CSMD1: variants seen among roughly 807,000 people sequenced by gnomAD.
The protein encoded by CSMD1 is CUB and Sushi multiple domains 1, also known as CUB and sushi domain-containing protein 1.
Under a neutral mutation model 417.5 loss-of-function variants are expected in CSMD1, and 213 were observed. The ratio of observed to expected loss-of-function variants is 0.51; its 90% CI spans 0.46 to 0.57. The LOEUF is 0.57. Ranked by LOEUF, CSMD1 falls within the 20% of genes least tolerant of loss-of-function variation. CSMD1 has a pLI of 0.00. For synonymous variants in CSMD1, 2,862 were observed against 1,736.8 expected (o/e 1.65, Z -16.11); for missense variants, 6,923 against 4,529.7 (o/e 1.53, Z -15.17).
intron 5 of CSMD1, among the ~76,000 whole-genome samples, chr8:3,868,228 GA>G (rs1805240213): frequency 8.5e-6 from 1 of 118,328 alleles, no homozygotes; most frequent in Non-Finnish European, 1.6e-5. Context: ...CCAGAACGAG[GA>G]TGGGGGGGCA....
intron 3 of CSMD1, among the ~76,000 whole-genome samples, chr8:4,312,038 A>G (rs923268643): frequency 2.0e-5 from 3 of 152,190 alleles, no homozygotes; most frequent in African/African-American, 7.2e-5. Context: ...GTGTGTTGAA[A>G]TCATTGTCAT....
intron 5 of CSMD1, among the ~76,000 whole-genome samples, chr8:3,932,018 T>C (rs1228996185): frequency 6.9e-6 from 1 of 145,788 alleles, no homozygotes. Flanking sequence ...GAGAAAACAA[T>C]AATTTTGTGA....
chr8:3,579,905 A>C (rs1800310029), intron 9 of CSMD1, among the ~76,000 whole-genome samples: 1 of 152,108 alleles, frequency 6.6e-6, no homozygotes, highest in Non-Finnish European at 1.5e-5. Context: ...GGAGTTTGAG[A>C]CCAGCATGGC....
intron 2 of CSMD1, among the ~76,000 whole-genome samples, chr8:4,614,286 G>C (rs955641549): frequency 2.0e-5 from 3 of 152,140 alleles, no homozygotes; most frequent in Admixed American, 6.5e-5. Flanking sequence ...CACCTAAACG[G>C]ACTGGACACA....
At chr8:4,475,454 C>A (rs1800748550) in intron 2 of CSMD1, among the ~76,000 whole-genome samples, 1 of 152,080 alleles carries the variant, frequency 6.6e-6, no homozygotes, top group African/African-American at 2.4e-5. Flanking sequence ...ATATGGAAGG[C>A]AACCCCATTT....
intron 30 of CSMD1, among the ~76,000 whole-genome samples, chr8:3,207,734 G>T (rs528526813): frequency 5.3e-5 from 8 of 152,216 alleles, no homozygotes; most frequent in Admixed American, 3.3e-4. Context: ...CATCAAAGCT[G>T]ACAGAAATTT....
chr8:3,690,897 A>C (rs904770585), intron 7 of CSMD1, among the ~76,000 whole-genome samples: 2 of 152,244 alleles, frequency 1.3e-5, no homozygotes, highest in East Asian at 1.9e-4. Flanking sequence ...TAAATAAATT[A>C]AATAACAACA....
intron 2 of CSMD1, among the ~76,000 whole-genome samples, chr8:4,450,583 A>G (rs1394885692): frequency 6.6e-6 from 1 of 152,106 alleles, no homozygotes; most frequent in Non-Finnish European, 1.5e-5. Flanking sequence ...TGCAGCCCAG[A>G]TCGCACCACT....
At chr8:4,841,915 A>ACAAACAAACAAAC (rs1227355843) in intron 1 of CSMD1, among the ~76,000 whole-genome samples, 27 of 102,222 alleles carry the variant, frequency 2.6e-4, no homozygotes, top group African/African-American at 1.1e-3. Context: ...CCGTCTCAAA[A>ACAAACAAACAAAC]AAAAAAAAAA....
intron 48 of CSMD1, among the ~76,000 whole-genome samples, chr8:3,090,266 G>C (rs1055663642): frequency 1.5e-4 from 19 of 130,096 alleles, no homozygotes; most frequent in African/African-American, 4.9e-4. Flanking sequence ...GCAGTGAGCC[G>C]AGATCGCACC....
intron 6 of CSMD1, among the ~76,000 whole-genome samples, chr8:3,719,600 G>T (rs1439133560): frequency 6.6e-6 from 1 of 152,128 alleles, no homozygotes; most frequent in Non-Finnish European, 1.5e-5. Context: ...GTGCTGTGAT[G>T]AACGAAAAAG....
intron 3 of CSMD1, among the ~76,000 whole-genome samples, chr8:4,377,958 G>A (rs1456946970): frequency 6.6e-6 from 1 of 152,178 alleles, no homozygotes; most frequent in Non-Finnish European, 1.5e-5. Context: ...ATTGATTATA[G>A]CAAATGATAG....
intron 3 of CSMD1, among the ~76,000 whole-genome samples, chr8:4,340,738 T>A (rs549735641): frequency 6.6e-6 from 1 of 152,064 alleles, no homozygotes; most frequent in African/African-American, 2.4e-5. Flanking sequence ...AACTGAAAAT[T>A]TATTTTCAGC....
At chr8:2,949,865 G>C (rs1802505666) in intron 67 of CSMD1, among the ~76,000 whole-genome samples, 2 of 152,050 alleles carry the variant, frequency 1.3e-5, no homozygotes, top group Admixed American at 6.6e-5. Context: ...TATTTATCTG[G>C]GAATGATTTC....
chr8:4,313,935 A>T (rs1585213166), intron 3 of CSMD1, among the ~76,000 whole-genome samples: 1 of 151,838 alleles, frequency 6.6e-6, no homozygotes, highest in Non-Finnish European at 1.5e-5. Flanking sequence ...AGTCACTTGA[A>T]CCTGGGAGGC....
chr8:4,362,980 A>G (rs1262492434), intron 3 of CSMD1, among the ~76,000 whole-genome samples: 1 of 152,226 alleles, frequency 6.6e-6, no homozygotes, highest in Admixed American at 6.5e-5. Flanking sequence ...TGCTATCAAC[A>G]AACATCTCAG....
chr8:3,641,383 A>C (rs1481013357), intron 7 of CSMD1, among the ~76,000 whole-genome samples: 1 of 152,124 alleles, frequency 6.6e-6, no homozygotes, highest in Non-Finnish European at 1.5e-5. Context: ...CTAACGTCAG[A>C]CTGAGCAGAT....
At chr8:3,734,596 A>G (rs139410634) in intron 6 of CSMD1, among the ~76,000 whole-genome samples, 4 of 152,268 alleles carry the variant, frequency 2.6e-5, no homozygotes, top group African/African-American at 9.6e-5. Flanking sequence ...CTATAATCCC[A>G]ACTACTCGGG....
At chr8:3,295,922 C>A (rs575795557) in intron 25 of CSMD1, among the ~76,000 whole-genome samples, 78 of 152,146 alleles carry the variant, frequency 5.1e-4, no homozygotes, top group African/African-American at 1.8e-3. Context: ...GAGTGCACCT[C>A]GAGGAACTTT....
Sources: allele counts gnomAD v4.1 joint callset (sites outside exome capture counted in the v4.1 genomes callset), GRCh38; gene constraint gnomAD v4.1.1; transcripts MANE v1.5; gene names NCBI Gene and HGNC (gene_info 2026-07-23, HGNC 2026-07-21).